SLC12A2: variants seen among roughly 807,000 people sequenced by gnomAD.
SLC12A2 encodes the protein solute carrier family 12 member 2, also known as Na-K-2Cl cotransporter 1.
SLC12A2 carries 67 observed loss-of-function variants against 136.3 expected under a neutral mutation model. That is an observed-to-expected ratio of 0.49 (90% CI 0.40 to 0.60). The LOEUF is 0.60. SLC12A2 is among the 20% of genes least tolerant of loss of function. SLC12A2 has a pLI of 0.00. For missense variants in SLC12A2, 1,322 were observed against 1,534.7 expected, an observed-to-expected ratio of 0.86 and a Z score of 2.32; for synonymous variants, 619 against 562.9, an observed-to-expected ratio of 1.10 and a Z score of -1.41.
At chr5:128,160,340 T>C (rs990887124) in intron 16 of SLC12A2, among the ~76,000 whole-genome samples, 1 of 152,128 alleles carries the variant, frequency 6.6e-6, no homozygotes, top group African/African-American at 2.4e-5. Flanking sequence ...TATACCTATG[T>C]AACAAACCTG....
rs1156394926 is a variant in SLC12A2, at chr5:128,184,944, C to T, written c.3503+88C>T. On this transcript the variant is annotated intron_variant, in intron 26 of 26. Transcript: ENST00000262461. Reference sequence around the variant, plus strand: ...CTATTCCAAGTACATATCTATATAACACCCATATTGACTTAGTGGTTATAA... The same window carrying T: ...CTATTCCAAGTACATATCTATATAATACCCATATTGACTTAGTGGTTATAA... 4 of 1,142,628 alleles carry T rather than the reference C, an allele frequency of 3.5e-6. No homozygotes were observed. In the African/African-American group the frequency reaches 6.2e-5, roughly 18 times the overall value. The allele number at this position is 1,142,628 out of a possible 1,614,324, so 70.8% of individuals were successfully genotyped here.
rs929216423 is a variant in SLC12A2 at position 128,094,047 on chromosome 5, A to T, written c.756+9337A>T. Among the ~76,000 whole-genome samples the T allele has an allele frequency of 2.0e-5, 3 of 152,030 alleles. No homozygotes were observed. In the South Asian group the frequency reaches 6.2e-4, roughly 32 times the overall value. ...AACTTTCAGTTTAAGATTTCACCTC[A>T]GTCCTTATTTCTTTTGAGAGGAGGC... On this transcript the variant is annotated intron_variant, in intron 1 of 26. Coordinates refer to ENST00000262461, the MANE Select transcript of SLC12A2 (RefSeq NM_001046.3).
In SLC12A2 at chr5:128,186,877, G is replaced by T; in HGVS notation, c.*246G>T. On this transcript the variant is annotated 3_prime_UTR_variant, in exon 27 of 27. Coordinates refer to ENST00000262461, the MANE Select transcript of SLC12A2 (RefSeq NM_001046.3). ...TGTTGAACTGAAGTTTGTGAGAGTA[G>T]TTTTCCTTTGCTACTTGAATAGCAA... The T allele has an allele frequency of 8.5e-6, 3 of 351,362 alleles. No individual in the cohort carries two copies. The highest frequency in any genetic ancestry group is 9.5e-5 in the South Asian group (1 of 10,528). 21.8% of individuals were successfully genotyped at this position (351,362 alleles called of 1,614,324 possible).
At chr5:128,152,555 C>T (rs746361936) in intron 14 of SLC12A2, 151 bp from the exon 15 acceptor site, 7 of 605,768 alleles carry the variant, frequency 1.2e-5, no homozygotes, top group African/African-American at 3.7e-5. Context: ...TAATATCTTG[C>T]TGTATATGTG....
Position 128,113,007 on chromosome 5 carries a change from A to G in SLC12A2, c.876+74A>G. The G allele has an allele frequency of 2.3e-6, 3 of 1,295,080 alleles. No individual in the cohort carries two copies. In the Admixed American group the frequency reaches 7.9e-5, roughly 34 times the overall value. 80.2% of individuals were successfully genotyped at this position (1,295,080 alleles called of 1,614,324 possible). On this transcript the variant is annotated intron_variant, in intron 2 of 26. Coordinates refer to ENST00000262461, the MANE Select transcript of SLC12A2 (RefSeq NM_001046.3). ...ATAAAATCTTCCTAACGTTCTCATC[A>G]GTTCTCAAGAGAACTCTTTTTTTCT... is the stretch of plus-strand genomic sequence containing the variant.
At chr5:128,111,818 G>A (rs927157973) in intron 1 of SLC12A2, among the ~76,000 whole-genome samples, 1 of 150,920 alleles carries the variant, frequency 6.6e-6, no homozygotes, top group Admixed American at 6.6e-5. Context: ...ATATACGTGT[G>A]TGTGTGTGTA....
At chr5:128,141,753 A>AAT (rs1474154439) in intron 9 of SLC12A2, 77 bp from the exon 10 acceptor site, 12 of 1,217,382 alleles carry the variant, frequency 9.9e-6, no homozygotes, top group African/African-American at 7.8e-5. Flanking sequence ...TTTCTTTATA[A>AAT]ATATATATAT....
At position 128,114,676 on chromosome 5, in the gene SLC12A2, G is replaced by C; in HGVS notation, c.1043G>C (p.Arg348Thr). 6.3e-7 allele frequency: 1 copy of C among 1,582,654 alleles called. No homozygotes were observed. Among genetic ancestry groups the C allele is most frequent in the Non-Finnish European group, 8.7e-7 (1 of 1,151,720 alleles). ...GCAATAGCAACTAATGGATTTGTAAGAGGAGGTAAGTAGAATCTTTTTGAA... is the reference window on the plus strand; with the variant it reads ...GCAATAGCAACTAATGGATTTGTAACAGGAGGTAAGTAGAATCTTTTTGAA... ...TSAIATNGFV[R>T]GGGAYYLISR... is the part of the protein sequence containing the mutation. The change falls in exon 4 of 27, where the codon AGA becomes ACA. Residue 348 changes from arginine (R) to threonine (T), a missense_variant. This residue lies in a region of SLC12A2 where 71 missense variants were observed against 131.0 expected (regional missense o/e 0.54). Coordinates refer to ENST00000262461, the MANE Select transcript of SLC12A2 (RefSeq NM_001046.3).
At chr5:128,139,776 T>C (rs572490950) in intron 9 of SLC12A2, among the ~76,000 whole-genome samples, 19 of 152,354 alleles carry the variant, frequency 1.2e-4, no homozygotes, top group African/African-American at 4.3e-4. Flanking sequence ...TAAAGAATCA[T>C]AAACTCCAAG....
chr5:128,152,238 A>C (rs545335486), intron 14 of SLC12A2, among the ~76,000 whole-genome samples: 1 of 152,224 alleles, frequency 6.6e-6, no homozygotes, highest in Admixed American at 6.5e-5. Flanking sequence ...TAACATACCT[A>C]TCAAGTCTAT....
intron 16 of SLC12A2, among the ~76,000 whole-genome samples, chr5:128,158,727 G>T (rs1762940571): frequency 6.6e-6 from 1 of 152,152 alleles, no homozygotes; most frequent in South Asian, 2.1e-4. Flanking sequence ...CCAATAATGG[G>T]ATTGCTGAGT....
rs1345920605 is a variant in SLC12A2, at chr5:128,180,972, A to G, written c.3190A>G (p.Arg1064Gly). 2 of 1,605,674 alleles carry G rather than the reference A, an allele frequency of 1.2e-6. No individual in the cohort carries two copies. Among genetic ancestry groups the G allele is most frequent in the African/African-American group, 2.7e-5 (2 of 74,742 alleles). Residue 1064 changes from arginine to glycine, a missense_variant, in exon 23 of 27, where the codon AGA becomes GGA. Arg to Gly is a moderately radical substitution (Grantham distance 125, BLOSUM62 -2). Transcript: ENST00000262461. ...IRVFIGGKIN[R>G]IDHDRRAMAT... ...AGTATTCATTGGTGGAAAGATAAACAGAATAGACCATGACCGGAGAGCGTA... is the reference window on the plus strand; with the variant it reads ...AGTATTCATTGGTGGAAAGATAAACGGAATAGACCATGACCGGAGAGCGTA...
At chr5:128,164,506 C>T (rs536407226) in intron 17 of SLC12A2, among the ~76,000 whole-genome samples, 3 of 152,202 alleles carry the variant, frequency 2.0e-5, no homozygotes, top group East Asian at 1.9e-4. Flanking sequence ...CAAATAGGTG[C>T]CGGTTGCCTC....
In SLC12A2 at chr5:128,116,639, G is replaced by GGT. The variant is rs565752402; in HGVS notation, c.1048+1960_1048+1961dup. On this transcript the variant is annotated intron_variant, in intron 4 of 26. Transcript: ENST00000262461. ...TATGAGGTGTTCATACGATCAAGAA[G>GGT]GTGATACATTTGGTGAAATAATGAA... Among the ~76,000 whole-genome samples the GGT allele has an allele frequency of 8.4e-4, 128 of 152,176 alleles. 1 individual carries two copies. The highest frequency in any genetic ancestry group is 3.0e-3 in the African/African-American group (126 of 41,518).
At position 128,109,804 on chromosome 5, in the gene SLC12A2, A is replaced by G. The variant is rs936022198; in HGVS notation, c.757-3010A>G. The G allele has an allele frequency of 3.7e-6, 3 of 804,034 alleles. No homozygotes were observed. The African/African-American group carries it at 5.1e-5, about 14-fold the overall frequency. 49.8% of individuals were successfully genotyped at this position (804,034 alleles called of 1,614,324 possible). ...GATACAGAATGTGTGCAGGCTACAAAAATCTGAAGATGGGAGTTAAATTCC... is the reference window on the plus strand; with the variant it reads ...GATACAGAATGTGTGCAGGCTACAAGAATCTGAAGATGGGAGTTAAATTCC... On this transcript the variant is annotated intron_variant, in intron 1 of 26. Coordinates refer to ENST00000262461, the MANE Select transcript of SLC12A2 (RefSeq NM_001046.3).
At chr5:128,140,734 A>G (rs1363157155) in intron 9 of SLC12A2, among the ~76,000 whole-genome samples, 1 of 151,888 alleles carries the variant, frequency 6.6e-6, no homozygotes, top group African/African-American at 2.4e-5. Flanking sequence ...AGACTATCAG[A>G]ATACAAAGCA....
chr5:128,145,347 T>C (rs574581451), intron 10 of SLC12A2, among the ~76,000 whole-genome samples: 2 of 152,100 alleles, frequency 1.3e-5, no homozygotes, highest in African/African-American at 4.8e-5. Context: ...AACTTTGAGA[T>C]CATTAAGACA....
At chr5:128,172,964 A>C (rs1763424804) in intron 19 of SLC12A2, among the ~76,000 whole-genome samples, 1 of 137,314 alleles carries the variant, frequency 7.3e-6, no homozygotes, top group East Asian at 1.9e-4. Context: ...CAAAAAAAAC[A>C]AAAAACAAAA....
Position 128,138,896 on chromosome 5 carries a change from G to A in SLC12A2, c.1609G>A (p.Ala537Thr), listed in dbSNP as rs1160821003. 2.5e-6 allele frequency: 4 copies of A among 1,608,986 alleles called. No homozygotes were observed. The highest frequency in any genetic ancestry group is 3.4e-6 in the Non-Finnish European group (4 of 1,175,872). ...LITTLVYVGI[A>T]VSVGSCVVRD... ...TACTACATTGGTTTACGTAGGAATT[G>A]CAGTATCTGTAGGTAAATAGTTTCA... Residue 537 changes from alanine to threonine, a missense_variant, in exon 9 of 27, where the codon GCA becomes ACA. Physicochemically the swap from Ala to Thr is moderately conservative, Grantham distance 58. Transcript: ENST00000262461.
Sources: gnomAD v4.1 joint callset for allele counts (sites outside exome capture counted in the v4.1 genomes callset) on GRCh38, gnomAD v4.1.1 for gene constraint, gnomAD v4.1.1 regional missense constraint, MANE v1.5 for transcripts, NCBI Gene and HGNC (gene_info 2026-07-23, HGNC 2026-07-21) for gene names.